Variants in SLC37A2 observed in about 807,000 individuals in gnomAD.
SLC37A2 encodes solute carrier family 37 member 2.
A neutral mutation model predicts 70.7 loss-of-function variants in SLC37A2; 59 were observed. That is an observed-to-expected ratio of 0.83 (90% CI 0.68 to 1.04). The LOEUF (loss-of-function observed/expected upper bound fraction) is 1.04, where lower values mean the gene tolerates loss of function less well. Ranked by LOEUF, SLC37A2 falls within the 50% of genes least tolerant of loss-of-function variation. SLC37A2 has a pLI of 0.00. For synonymous variants in SLC37A2, 257 were observed against 262.1 expected (o/e 0.98, Z 0.19); for missense variants, 580 against 658.1 (o/e 0.88, Z 1.30).
intron 4 of SLC37A2, among the ~76,000 whole-genome samples, chr11:125,077,994 G>A (rs976769186): frequency 2.6e-5 from 4 of 152,146 alleles, no homozygotes; most frequent in African/African-American, 9.7e-5. Context: ...AAACTGTGGC[G>A]GCTCCATGAC....
rs1182373738 is a variant in SLC37A2, at chr11:125,084,235, C to T, written c.1041C>T (p.Gly347=). The part of the protein sequence containing the change: ...STLFDVGGII[G]GIVAGLVSDY... ...TGCGTGAGTGGCTGTGTGTTCCAGG[C>T]GGCATCGTGGCAGGGCTCGTCTCTG... Residue 347 remains glycine (G), a splice_region_variant and synonymous_variant, in exon 12 of 18, where the codon GGC becomes GGT. Coordinates refer to ENST00000403796, the MANE Select transcript of SLC37A2 (RefSeq NM_001145290.2). 25 of 1,614,038 alleles carry T rather than the reference C, an allele frequency of 1.5e-5. No homozygotes were observed. The highest frequency in any genetic ancestry group is 6.7e-5 in the East Asian group (3 of 44,894).
At chr11:125,065,950 T>C (rs530161825) in intron 1 of SLC37A2, among the ~76,000 whole-genome samples, 14 of 152,348 alleles carry the variant, frequency 9.2e-5, no homozygotes, top group Non-Finnish European at 1.6e-4. Context: ...GAGAAAGGTC[T>C]TCCTTATATG....
intron 5 of SLC37A2, 41 bp downstream of exon 5, chr11:125,079,288 T>A: frequency 6.2e-7 from 1 of 1,612,890 alleles, no homozygotes; most frequent in Non-Finnish European, 8.5e-7. Flanking sequence ...TGTTGCCGTC[T>A]CGGGAAGGAC....
In SLC37A2 at chr11:125,080,562, G is replaced by C; in HGVS notation, c.528-52G>C. The C allele has an allele frequency of 1.4e-6, 2 of 1,402,752 alleles. No individual in the cohort carries two copies. Among genetic ancestry groups the C allele is most frequent in the South Asian group, 1.7e-5 (1 of 57,884 alleles). 86.9% of individuals were successfully genotyped at this position (1,402,752 alleles called of 1,614,324 possible). A position where few individuals can be genotyped will look rare whatever the true frequency, so the allele number is the denominator to read the frequency against. ...GGCTGGGGCAGTTGCTATGAACAAT[G>C]TGCTTTGCTTTTTACTTTTTATACC... On this transcript the variant is annotated intron_variant, in intron 6 of 17. Transcript: ENST00000403796. This position sits in a 1 kb window ranked among gnomAD's most constrained non-coding sequence, Gnocchi z 4.3.
chr11:125,084,706 G>T, intron 12 of SLC37A2, 119 bp from the exon 13 acceptor site: 1 of 1,068,696 alleles, frequency 9.4e-7, no homozygotes. Flanking sequence ...CATAGGCAGG[G>T]GAAAAGGAAT....
At position 125,065,709 on chromosome 11, in the gene SLC37A2, G is replaced by T. The variant is rs1272452762; in HGVS notation, c.59+2283G>T. Reference sequence around the variant, plus strand: ...CATCCTGATCAAATACAACATCCCGGCAAGGTCTTGGTTGCATAACCAATT... The same window carrying T: ...CATCCTGATCAAATACAACATCCCGTCAAGGTCTTGGTTGCATAACCAATT... On this transcript the variant is annotated intron_variant, in intron 1 of 17. Transcript: ENST00000403796. Among the ~76,000 whole-genome samples, 3 of 152,072 alleles carry T rather than the reference G, an allele frequency of 2.0e-5. No homozygotes were observed. In the East Asian group the frequency reaches 5.8e-4, roughly 29 times the overall value.
intron 1 of SLC37A2, among the ~76,000 whole-genome samples, chr11:125,071,733 G>T (rs1301507955): frequency 6.6e-6 from 1 of 152,220 alleles, no homozygotes; most frequent in Admixed American, 6.5e-5. Flanking sequence ...TCCCAAAGAG[G>T]GTCTTGTCCT....
At chr11:125,071,647 C>T (rs546544955) in intron 1 of SLC37A2, among the ~76,000 whole-genome samples, 50 of 152,350 alleles carry the variant, frequency 3.3e-4, no homozygotes, top group South Asian at 2.1e-3. Context: ...CATGTGCCCA[C>T]GTCCCAGCTG....
At position 125,063,328 on chromosome 11, in the gene SLC37A2, C is replaced by T; in HGVS notation, c.-40C>T. On this transcript the variant is annotated 5_prime_UTR_variant, in exon 1 of 18. Coordinates refer to ENST00000403796, the MANE Select transcript of SLC37A2 (RefSeq NM_001145290.2). This position sits in a 1 kb window ranked among gnomAD's most constrained non-coding sequence, Gnocchi z 5.4. ...CCGGGACACGCGCCCAGCTCTGTAGCCTCCTCCGTCGACTCAGCCTTAGGT... is the reference window on the plus strand; with the variant it reads ...CCGGGACACGCGCCCAGCTCTGTAGTCTCCTCCGTCGACTCAGCCTTAGGT... 1.4e-6 allele frequency: 2 copies of T among 1,455,364 alleles called. No individual in the cohort carries two copies. Among genetic ancestry groups the T allele is most frequent in the South Asian group, 1.2e-5 (1 of 85,274 alleles). The allele number at this position is 1,455,364 out of a possible 1,614,324, so 90.2% of individuals were successfully genotyped here. A position where few individuals can be genotyped will look rare whatever the true frequency, so the allele number is the denominator to read the frequency against.
Position 125,063,404 on chromosome 11 carries a change from CGGG to C in SLC37A2, c.38_40del (p.Arg13_Ala14delinsPro). The C allele has an allele frequency of 6.2e-7, 1 of 1,611,832 alleles. No individual in the cohort carries two copies. Among genetic ancestry groups the C allele is most frequent in the South Asian group, 1.1e-5 (1 of 90,468 alleles). On this transcript the variant is annotated inframe_deletion, in exon 1 of 18. Coordinates refer to ENST00000403796, the MANE Select transcript of SLC37A2 (RefSeq NM_001145290.2). This position sits in a 1 kb window ranked among gnomAD's most constrained non-coding sequence, Gnocchi z 5.4. Reference sequence around the variant, plus strand: ...CCTGGCTCCGGGAGTCTGGTTCTTCCGGGCCTTCTCCAGGGACAGCTGGTGAGC... The same window carrying C: ...CCTGGCTCCGGGAGTCTGGTTCTTCCCCTTCTCCAGGGACAGCTGGTGAGC...
rs1312887972 is a variant in SLC37A2, at chr11:125,085,985, TG to T, written c.1459del (p.Ala487ProfsTer6). 1.2e-6 allele frequency: 2 copies of T among 1,614,072 alleles called. No individual in the cohort carries two copies. Among genetic ancestry groups the T allele is most frequent in the Non-Finnish European group, 1.7e-6 (2 of 1,180,042 alleles). On this transcript the variant is annotated frameshift_variant, in exon 17 of 18. Transcript: ENST00000403796. LOFTEE classifies it high-confidence loss of function. Reference sequence around the variant, plus strand: ...TGCCGGTTAGTATACAAAGAGATCTTGGCCTGGAAGGTGTCCCTGAGCAGAG... The same window carrying T: ...TGCCGGTTAGTATACAAAGAGATCTTGCCTGGAAGGTGTCCCTGAGCAGAG... ...LLCRLVYKEI[L>X]AWKVSLSRGS...
Position 125,078,875 on chromosome 11 carries a change from G to A in SLC37A2, c.315-237G>A, listed in dbSNP as rs148461289. On this transcript the variant is annotated intron_variant, in intron 4 of 17. Transcript: ENST00000403796. The stretch of plus-strand genomic sequence containing the variant: ...CAAAAGACCGCACCGAGAGGAAAAC[G>A]CACGACACGAGGGGCCGGCCAAGCG... Among the ~76,000 whole-genome samples the A allele has an allele frequency of 3.6e-3, 544 of 152,122 alleles. 2 individuals are homozygous for A. Among genetic ancestry groups the A allele is most frequent in the African/African-American group, 0.012 (507 of 41,488 alleles).
In SLC37A2 at chr11:125,080,474, T is replaced by C. The variant is rs75936200; in HGVS notation, c.528-140T>C. On this transcript the variant is annotated intron_variant, in intron 6 of 17. Transcript: ENST00000403796. The surrounding 1 kb of genome is among the most constrained non-coding windows in gnomAD (Gnocchi z 4.3). ...CCAAGGTCTCCCACTCCTTGCTGACTTGGGGCTTTGGGGCTGTCTTTGGTG... is the reference window on the plus strand; with the variant it reads ...CCAAGGTCTCCCACTCCTTGCTGACCTGGGGCTTTGGGGCTGTCTTTGGTG... 0.018 allele frequency: 12,954 copies of C among 716,154 alleles called. 149 individuals are homozygous for C. Among genetic ancestry groups the C allele is most frequent in the Middle Eastern group, 0.06 (155 of 2,588 alleles). 44.4% of individuals were successfully genotyped at this position (716,154 alleles called of 1,614,324 possible). A position where few individuals can be genotyped will look rare whatever the true frequency, so the allele number is the denominator to read the frequency against.
intron 4 of SLC37A2, 101 bp downstream of exon 4, chr11:125,077,629 C>A: frequency 1.2e-6 from 1 of 867,586 alleles, no homozygotes; most frequent in Non-Finnish European, 1.8e-6. Context: ...CCCAGGGATG[C>A]TGCATGTACA....
chr11:125,083,671 G>C lies in SLC37A2; in HGVS notation c.977-144G>C. The C allele has an allele frequency of 1.4e-6, 1 of 715,798 alleles. No individual in the cohort carries two copies. The highest frequency in any genetic ancestry group is 1.7e-5 in the South Asian group (1 of 57,364). The allele number at this position is 715,798 out of a possible 1,614,324, so 44.3% of individuals were successfully genotyped here. A position where few individuals can be genotyped will look rare whatever the true frequency, so the allele number is the denominator to read the frequency against. ...TGCTGCATTCTCACCCTGTGGCCCTGGCCAGCCTGCTCCACAGGTCCCCAG... is the reference window on the plus strand; with the variant it reads ...TGCTGCATTCTCACCCTGTGGCCCTCGCCAGCCTGCTCCACAGGTCCCCAG... On this transcript the variant is annotated intron_variant, in intron 10 of 17. Transcript: ENST00000403796. The surrounding 1 kb of genome is among the most constrained non-coding windows in gnomAD (Gnocchi z 4.6).
rs1018612753 is a variant in SLC37A2 at position 125,065,645 on chromosome 11, C to G, written c.59+2219C>G. On this transcript the variant is annotated intron_variant, in intron 1 of 17. Transcript: ENST00000403796. The stretch of plus-strand genomic sequence containing the variant: ...AGTATTGGCTGCATAGAGTGAACCT[C>G]AGTTTTTAGAGGAGGCTGGTTGTAT... 2.6e-5 allele frequency among the ~76,000 whole-genome samples: 4 copies of G among 152,162 alleles called. No individual in the cohort carries two copies. The East Asian group carries it at 7.7e-4, about 29-fold the overall frequency.
chr11:125,076,748 T>C lies in SLC37A2; in HGVS notation c.60-9T>C. 2 of 1,613,964 alleles carry C rather than the reference T, an allele frequency of 1.2e-6. No homozygotes were observed. Among genetic ancestry groups the C allele is most frequent in the Non-Finnish European group, 1.7e-6 (2 of 1,179,848 alleles). On this transcript the variant is annotated splice_polypyrimidine_tract_variant and intron_variant, in intron 1 of 17. Coordinates refer to ENST00000403796, the MANE Select transcript of SLC37A2 (RefSeq NM_001145290.2). The stretch of plus-strand genomic sequence containing the variant: ...TTCCCACTAACGCAGATGCTGTCCC[T>C]TCCTGCAGGTTCCGAGGCCTCATCC...
intron 14 of SLC37A2, 76 bp downstream of exon 14, chr11:125,085,215 C>T (rs944866996): frequency 2.8e-5 from 40 of 1,434,190 alleles, no homozygotes; most frequent in Non-Finnish European, 3.7e-5. Flanking sequence ...AGGTCCATTT[C>T]TCCCTGTCTC....
intron 1 of SLC37A2, among the ~76,000 whole-genome samples, chr11:125,065,105 A>T (rs562728891): frequency 6.6e-6 from 1 of 152,224 alleles, no homozygotes; most frequent in African/African-American, 2.4e-5. Context: ...TCAGTTACCT[A>T]CCACTTCAAA....
Sources: gnomAD v4.1 joint callset for allele counts (sites outside exome capture counted in the v4.1 genomes callset) on GRCh38, gnomAD v4.1.1 for gene constraint, Gnocchi (gnomAD v3.1) non-coding constraint, MANE v1.5 for transcripts, NCBI Gene and HGNC (gene_info 2026-07-23, HGNC 2026-07-21) for gene names.